PAPPA2: variants seen among roughly 807,000 people sequenced by gnomAD.
PAPPA2 encodes the protein pappalysin 2, also known as pappalysin-2.
Under a neutral mutation model 176.4 loss-of-function variants are expected in PAPPA2, and 86 were observed. That is an observed-to-expected ratio of 0.49 (90% CI 0.41 to 0.58). The LOEUF (loss-of-function observed/expected upper bound fraction) is 0.58. Among genes scored for constraint, PAPPA2 ranks in the 20% least tolerant of loss-of-function variants. The pLI is 0.00. For synonymous variants in PAPPA2, 809 were observed against 852.2 expected (o/e 0.95, Z 0.88); for missense variants, 2,073 against 2,256.9 (o/e 0.92, Z 1.65).
At chr1:176,795,151 G>A (rs1665370284) in intron 20 of PAPPA2, among the ~76,000 whole-genome samples, 1 of 152,196 alleles carries the variant, frequency 6.6e-6, no homozygotes, top group African/African-American at 2.4e-5. Flanking sequence ...AGCTCCCTCA[G>A]ACTTTCACTA....
At chr1:176,741,643 A>G (rs1662682796) in intron 14 of PAPPA2, among the ~76,000 whole-genome samples, 1 of 152,204 alleles carries the variant, frequency 6.6e-6, no homozygotes, top group South Asian at 2.1e-4. Flanking sequence ...GGGGGCCAGT[A>G]ATAGTAGTTT....
intron 21 of PAPPA2, among the ~76,000 whole-genome samples, chr1:176,837,454 TG>T (rs1667314292): frequency 7.0e-6 from 1 of 143,178 alleles, no homozygotes; most frequent in African/African-American, 2.6e-5. Flanking sequence ...TTAATGACTT[TG>T]GGTTCTATAT....
chr1:176,713,176 G>T (rs1233465421), intron 12 of PAPPA2, among the ~76,000 whole-genome samples: 2 of 149,742 alleles, frequency 1.3e-5, no homozygotes, highest in Non-Finnish European at 3.0e-5. Flanking sequence ...TTTTTTAAGA[G>T]GCAGGGTCTC....
intron 1 of PAPPA2, among the ~76,000 whole-genome samples, chr1:176,531,767 G>A (rs1001394226): frequency 1.3e-5 from 2 of 152,166 alleles, no homozygotes; most frequent in Non-Finnish European, 2.9e-5. Flanking sequence ...CCCAACTGAA[G>A]TGGGAATGGT....
At position 176,731,684 on chromosome 1, in the gene PAPPA2, T is replaced by TACAC. The variant is rs199841301; in HGVS notation, c.3799-7939_3799-7938insCACA. The stretch of plus-strand genomic sequence containing the variant: ...GTGTGTGTACATATATGTGTATATA[T>TACAC]ACATATATGTGTACATATATGTGTA... On this transcript the variant is annotated intron_variant, in intron 12 of 22. Coordinates refer to ENST00000367662, the MANE Select transcript of PAPPA2 (RefSeq NM_020318.3). Among the ~76,000 whole-genome samples the TACAC allele has an allele frequency of 5.0e-4, 75 of 151,144 alleles. 1 individual carries two copies. The highest frequency in any genetic ancestry group is 3.5e-3 in the East Asian group (18 of 5,166).
chr1:176,814,292 T>C (rs1432985221), intron 21 of PAPPA2, among the ~76,000 whole-genome samples: 1 of 152,196 alleles, frequency 6.6e-6, no homozygotes, highest in East Asian at 1.9e-4. Flanking sequence ...ATATGAATTT[T>C]AAAATAGTTT....
intron 21 of PAPPA2, among the ~76,000 whole-genome samples, chr1:176,835,538 A>G (rs905047774): frequency 2.0e-5 from 3 of 152,054 alleles, no homozygotes; most frequent in Admixed American, 2.0e-4. Context: ...GTTGTTTTTG[A>G]GACGGAGTTT....
At chr1:176,521,254 A>G (rs1649202939) in intron 1 of PAPPA2, among the ~76,000 whole-genome samples, 1 of 152,216 alleles carries the variant, frequency 6.6e-6, no homozygotes, top group African/African-American at 2.4e-5. Flanking sequence ...AATATAATGT[A>G]GCAGAGGTGA....
intron 21 of PAPPA2, among the ~76,000 whole-genome samples, chr1:176,808,380 GC>G (rs1665999717): frequency 6.6e-6 from 1 of 152,140 alleles, no homozygotes; most frequent in African/African-American, 2.4e-5. Flanking sequence ...ACATGGCAGT[GC>G]CCAGCTCGCA....
At chr1:176,524,685 G>A (rs1295327676) in intron 1 of PAPPA2, among the ~76,000 whole-genome samples, 1 of 152,122 alleles carries the variant, frequency 6.6e-6, no homozygotes. Context: ...TAAGAGAGCA[G>A]AAGTCTGGTT....
chr1:176,784,932 G>A (rs1664870686), intron 17 of PAPPA2, among the ~76,000 whole-genome samples: 1 of 152,126 alleles, frequency 6.6e-6, no homozygotes, highest in Non-Finnish European at 1.5e-5. Context: ...AGCACAGAGA[G>A]GGCAAGCTCT....
At chr1:176,692,007 G>A (rs1396334088) in intron 5 of PAPPA2, 119 bp from the exon 6 acceptor site, 191 of 899,198 alleles carry the variant, frequency 2.1e-4, no homozygotes, top group Non-Finnish European at 3.5e-6. Context: ...CAACAAGTAA[G>A]TGCTCATTGA....
intron 2 of PAPPA2, among the ~76,000 whole-genome samples, chr1:176,564,558 T>C (rs1406467231): frequency 6.6e-6 from 1 of 152,230 alleles, no homozygotes; most frequent in Non-Finnish European, 1.5e-5. Context: ...TTTCACGCTA[T>C]GCAAAATAAC....
chr1:176,828,590 G>A (rs543113841), intron 21 of PAPPA2, among the ~76,000 whole-genome samples: 18 of 151,986 alleles, frequency 1.2e-4, no homozygotes, highest in South Asian at 8.3e-4. Context: ...ATGCATATGT[G>A]TATATAAGTA....
intron 1 of PAPPA2, among the ~76,000 whole-genome samples, chr1:176,546,938 G>C (rs1383888237): frequency 6.6e-6 from 1 of 152,046 alleles, no homozygotes; most frequent in Non-Finnish European, 1.5e-5. Flanking sequence ...ACCAAAAATG[G>C]TGTCATTGAA....
chr1:176,780,244 A>G (rs1218234518), intron 17 of PAPPA2, among the ~76,000 whole-genome samples: 2 of 152,188 alleles, frequency 1.3e-5, no homozygotes, highest in Non-Finnish European at 2.9e-5. Flanking sequence ...ACTGATCAGG[A>G]ACAGAAATAT....
chr1:176,562,637 C>T (rs1438996119), intron 2 of PAPPA2, among the ~76,000 whole-genome samples: 2 of 152,212 alleles, frequency 1.3e-5, no homozygotes, highest in African/African-American at 4.8e-5. Flanking sequence ...AAGTCATGGC[C>T]ACCTGCCCTA....
chr1:176,715,285 A>G (rs1661318166), intron 12 of PAPPA2, among the ~76,000 whole-genome samples: 1 of 152,190 alleles, frequency 6.6e-6, no homozygotes, highest in Admixed American at 6.5e-5. Flanking sequence ...ATGGGATTCC[A>G]CTTGTGTTCG....
At chr1:176,576,706 A>G (rs1366060925) in intron 2 of PAPPA2, among the ~76,000 whole-genome samples, 1 of 152,194 alleles carries the variant, frequency 6.6e-6, no homozygotes, top group Non-Finnish European at 1.5e-5. Context: ...TTCTCCTGAT[A>G]GTCTATTGGA....
Sources: allele counts gnomAD v4.1 joint callset (sites outside exome capture counted in the v4.1 genomes callset), GRCh38; gene constraint gnomAD v4.1.1; transcripts MANE v1.5; gene names NCBI Gene and HGNC (gene_info 2026-07-23, HGNC 2026-07-21).